TPCN1: variants seen among roughly 807,000 people sequenced by gnomAD.
The protein encoded by TPCN1 is two pore segment channel 1.
In TPCN1, 52 loss-of-function variants were observed where a neutral mutation model predicts 108.8. The observed-to-expected ratio is 0.48, with a 90% CI of 0.38 to 0.60. The LOEUF (loss-of-function observed/expected upper bound fraction) is 0.60. Among genes scored for constraint, TPCN1 ranks in the 20% least tolerant of loss-of-function variants. TPCN1 has a pLI of 0.00. For missense variants in TPCN1, 806 were observed against 1,072.8 expected (o/e 0.75, Z 3.47); for synonymous variants, 446 against 433.7 (o/e 1.03, Z -0.35).
Position 113,291,510 on chromosome 12 carries a change from GT to G in TPCN1, c.1960-98del, listed in dbSNP as rs762434211. 63 of 995,496 alleles carry G rather than the reference GT, an allele frequency of 6.3e-5. No homozygotes were observed. The Admixed American group carries it at 1.3e-3, about 20-fold the overall frequency. 61.7% of individuals were successfully genotyped at this position (995,496 alleles called of 1,614,324 possible). On this transcript the variant is annotated intron_variant, in intron 23 of 27. Transcript: ENST00000335509. ...CTCTCACAACCAGCCACAAATCACG[GT>G]GGGGTCTGCGAAGAGCCGGGGCCAT... is the stretch of plus-strand genomic sequence containing the variant.
intron 2 of TPCN1, among the ~76,000 whole-genome samples, chr12:113,247,705 A>G (rs1323252941): frequency 6.6e-6 from 1 of 152,128 alleles, no homozygotes; most frequent in Non-Finnish European, 1.5e-5. Context: ...TTCCATTTGC[A>G]CCCTTTCTAT....
At position 113,273,687 on chromosome 12, in the gene TPCN1, G is replaced by C. The variant is rs1955580778; in HGVS notation, c.942+19G>C. On this transcript the variant is annotated intron_variant, in intron 10 of 27. Transcript: ENST00000335509. This position sits in a 1 kb window ranked among gnomAD's most constrained non-coding sequence, Gnocchi z 4.0. The stretch of plus-strand genomic sequence containing the variant: ...GAACCTGGTGAGTGACTATGCCTCA[G>C]GCTACGCTGAAGCAGCCTGCCCCTA... The C allele has an allele frequency of 1.2e-6, 2 of 1,603,716 alleles. No individual in the cohort carries two copies. Among genetic ancestry groups the C allele is most frequent in the Non-Finnish European group, 1.7e-6 (2 of 1,170,866 alleles).
rs1240691074 is a variant in TPCN1, at chr12:113,268,766, G to C, written c.553G>C (p.Val185Leu). The C allele has an allele frequency of 6.2e-7, 1 of 1,613,884 alleles. No homozygotes were observed. ...GACCTCGGTGCTGGTGGTGCAGTTT[G>C]TCGAGGCCATCGTGGTGTTGGTACG... The part of the protein sequence containing the change: ...VKTSVLVVQF[V>L]EAIVVLVRQM... The change falls in exon 6 of 28, where the codon GTC becomes CTC. Residue 185 changes from valine (V) to leucine (L), a missense_variant. Transcript: ENST00000335509. This position sits in a 1 kb window ranked among gnomAD's most constrained non-coding sequence, Gnocchi z 7.3.
intron 15 of TPCN1, among the ~76,000 whole-genome samples, chr12:113,282,041 C>T (rs905010552): frequency 1.3e-5 from 2 of 150,944 alleles, no homozygotes; most frequent in African/African-American, 4.9e-5. Context: ...CTCCCTCAGC[C>T]TCCCAAGTAG....
At chr12:113,244,183 T>G (rs1954258830) in intron 2 of TPCN1, 1 of 433,334 alleles carries the variant, frequency 2.3e-6, no homozygotes, top group Admixed American at 6.4e-5. Flanking sequence ...GGCATTATCC[T>G]GACCACTTTC....
At position 113,284,232 on chromosome 12, in the gene TPCN1, G is replaced by C. The variant is rs1566194965; in HGVS notation, c.1343-349G>C. On this transcript the variant is annotated intron_variant, in intron 15 of 27. Transcript: ENST00000335509. The surrounding 1 kb of genome is among the most constrained non-coding windows in gnomAD (Gnocchi z 4.1). ...AGTTCATGCAATTATTTTAAAATTA[G>C]AAGTCTCTAGGGGAAAACAAGTGTT... 1.3e-5 allele frequency among the ~76,000 whole-genome samples: 2 copies of C among 152,202 alleles called. No individual in the cohort carries two copies. The highest frequency in any genetic ancestry group is 6.5e-5 in the Admixed American group (1 of 15,278).
In TPCN1 at chr12:113,284,439, C is replaced by T; in HGVS notation, c.1343-142C>T. On this transcript the variant is annotated intron_variant, in intron 15 of 27. Transcript: ENST00000335509. The surrounding 1 kb of genome is among the most constrained non-coding windows in gnomAD (Gnocchi z 4.1). ...AAGAGCACTGAGCAGAAAGAAGTTC[C>T]CTATCAAATGGGTGTGTGGAGCAGC... 2 of 849,930 alleles carry T rather than the reference C, an allele frequency of 2.4e-6. No homozygotes were observed. The highest frequency in any genetic ancestry group is 2.5e-5 in the East Asian group (1 of 40,710). 52.6% of individuals were successfully genotyped at this position (849,930 alleles called of 1,614,324 possible). A position where few individuals can be genotyped will look rare whatever the true frequency, so the allele number is the denominator to read the frequency against.
chr12:113,266,407 G>A lies in TPCN1; in HGVS notation c.414+51G>A. On this transcript the variant is annotated intron_variant, in intron 4 of 27. Coordinates refer to ENST00000335509, the MANE Select transcript of TPCN1 (RefSeq NM_017901.6). This position sits in a 1 kb window ranked among gnomAD's most constrained non-coding sequence, Gnocchi z 4.2. The stretch of plus-strand genomic sequence containing the variant: ...GGGGCTGGGAGCCACGGCTTTCAGG[G>A]CAAGCGATGGAACTCCAAAAAGGAA... 2 of 1,587,180 alleles carry A rather than the reference G, an allele frequency of 1.3e-6. No homozygotes were observed.
intron 3 of TPCN1, among the ~76,000 whole-genome samples, chr12:113,263,617 G>A (rs1593146806): frequency 2.0e-5 from 3 of 152,260 alleles, no homozygotes; most frequent in Admixed American, 6.5e-5. Context: ...CAGTGAGCCA[G>A]GTTGCTGGTG....
At chr12:113,274,865 A>C (rs988337969) in intron 10 of TPCN1, among the ~76,000 whole-genome samples, 1 of 152,186 alleles carries the variant, frequency 6.6e-6, no homozygotes, top group African/African-American at 2.4e-5. Flanking sequence ...GTTCAGTTGC[A>C]CTCACGTGCC....
chr12:113,264,329 A>G (rs1460745854), intron 3 of TPCN1, among the ~76,000 whole-genome samples: 1 of 152,180 alleles, frequency 6.6e-6, no homozygotes, highest in African/African-American at 2.4e-5. Flanking sequence ...GCTTCAGGGA[A>G]GTGACTCACT....
intron 3 of TPCN1, among the ~76,000 whole-genome samples, chr12:113,262,686 G>A (rs886889777): frequency 2.0e-5 from 3 of 152,196 alleles, no homozygotes; most frequent in African/African-American, 7.2e-5. Flanking sequence ...AAGCCCTAAG[G>A]ATCCTGATCA....
intron 25 of TPCN1, 101 bp from the exon 26 acceptor site, chr12:113,292,833 C>A (rs1566207964): frequency 3.6e-6 from 5 of 1,386,656 alleles, no homozygotes; most frequent in Non-Finnish European, 4.9e-6. Flanking sequence ...AGAGAGAGAA[C>A]CTTAAGACCC....
intron 2 of TPCN1, among the ~76,000 whole-genome samples, chr12:113,253,552 C>A (rs986617612): frequency 6.6e-6 from 1 of 152,180 alleles, no homozygotes; most frequent in Non-Finnish European, 1.5e-5. Flanking sequence ...GTTGGTGCTA[C>A]CCCTTGGCTG....
intron 2 of TPCN1, among the ~76,000 whole-genome samples, chr12:113,250,264 G>A (rs1341320091): frequency 6.6e-6 from 1 of 152,228 alleles, no homozygotes; most frequent in Non-Finnish European, 1.5e-5. Flanking sequence ...GGCACTGCCA[G>A]CTCTCTGGGG....
At position 113,259,040 on chromosome 12, in the gene TPCN1, G is replaced by A. The variant is rs552795539; in HGVS notation, c.113-1328G>A. 1.3e-3 allele frequency among the ~76,000 whole-genome samples: 201 copies of A among 150,732 alleles called. 2 individuals are homozygous for A. The highest frequency in any genetic ancestry group is 8.2e-3 in the South Asian group (39 of 4,782). On this transcript the variant is annotated intron_variant, in intron 2 of 27. Coordinates refer to ENST00000335509, the MANE Select transcript of TPCN1 (RefSeq NM_017901.6). ...GTCCCCCAGGCTAGAGTAGTGATGC[G>A]ATTTTGGCTCACTGCAACCTCCGCC...
chr12:113,235,669 A>G (rs1953862975), intron 2 of TPCN1, among the ~76,000 whole-genome samples: 1 of 152,176 alleles, frequency 6.6e-6, no homozygotes, highest in Non-Finnish European at 1.5e-5. Flanking sequence ...CGTCAAGTAT[A>G]GTTACAGCTT....
chr12:113,296,126 T>C lies in TPCN1; in HGVS notation c.*50T>C. ...CTATGCAATAACACAATAGTATTAC[T>C]CTACTGCGATGTACGGAACTGCGGT... On this transcript the variant is annotated 3_prime_UTR_variant, in exon 28 of 28. Transcript: ENST00000335509. 1 of 1,595,656 alleles carries C rather than the reference T, an allele frequency of 6.3e-7. No individual in the cohort carries two copies.
intron 2 of TPCN1, among the ~76,000 whole-genome samples, chr12:113,247,331 A>G (rs958475565): frequency 6.6e-6 from 1 of 152,206 alleles, no homozygotes; most frequent in African/African-American, 2.4e-5. Flanking sequence ...CACCAGGCTC[A>G]CATCCTGACT....
Sources: gnomAD v4.1 joint callset for allele counts (sites outside exome capture counted in the v4.1 genomes callset) on GRCh38, gnomAD v4.1.1 for gene constraint, Gnocchi (gnomAD v3.1) non-coding constraint, MANE v1.5 for transcripts, NCBI Gene and HGNC (gene_info 2026-07-23, HGNC 2026-07-21) for gene names.